The following ESCO1 variants were observed in gnomAD, a reference collection of about 807,000 sequenced individuals.
The protein encoded by ESCO1 is establishment of sister chromatid cohesion N-acetyltransferase 1.
In ESCO1, 33 loss-of-function variants were observed where a neutral mutation model predicts 83.5. That is an observed-to-expected ratio of 0.40 (90% CI 0.30 to 0.53). ESCO1 has a LOEUF of 0.53. Among genes scored for constraint, ESCO1 ranks in the 20% least tolerant of loss-of-function variants. The pLI, the probability that ESCO1 is intolerant of heterozygous loss-of-function variation, is 0.63. For missense variants in ESCO1, 855 were observed against 968.0 expected, an observed-to-expected ratio of 0.88 and a Z score of 1.55; for synonymous variants, 332 against 324.3, an observed-to-expected ratio of 1.02 and a Z score of -0.25.
chr18:21,564,206 A>T lies in ESCO1; in HGVS notation c.1818T>A (p.Ile606=), dbSNP rs201612317. The change falls in exon 7 of 12, where the codon ATT becomes ATA. Residue 606 remains isoleucine (I), a synonymous_variant. Coordinates refer to ENST00000269214, the MANE Select transcript of ESCO1 (RefSeq NM_052911.3). ...AATGGTCAAGTTGTGTACTTACTAT[A>T]ATCAACTGTTTTTCATCAGTTTTCT... ...EAEKTDEKQL[I]IDAGQKRFGA... 1.8e-4 allele frequency: 278 copies of T among 1,581,192 alleles called. No individual in the cohort carries two copies. Among genetic ancestry groups the T allele is most frequent in the Non-Finnish European group, 2.3e-4 (270 of 1,156,336 alleles).
intron 1 of ESCO1, among the ~76,000 whole-genome samples, chr18:21,598,727 G>C (rs1031853887): frequency 1.3e-5 from 2 of 151,750 alleles, no homozygotes; most frequent in Non-Finnish European, 2.9e-5. Flanking sequence ...ACAATTACTT[G>C]TTCACTACAG....
In ESCO1 at chr18:21,573,425, A is replaced by G; in HGVS notation, c.1419T>C (p.Asn473=). The G allele has an allele frequency of 1.9e-6, 3 of 1,611,964 alleles. No individual in the cohort carries two copies. Among genetic ancestry groups the G allele is most frequent in the South Asian group, 1.1e-5 (1 of 90,234 alleles). The part of the protein sequence containing the change: ...VKINDITVEI[N]KTTERAPENC... ...TTTCAGGAGCCCTTTCTGTGGTTTT[A>G]TTAATTTCTACTGTAATATCATTAA... Residue 473 remains asparagine, a synonymous_variant, in exon 4 of 12, where the codon AAT becomes AAC. Transcript: ENST00000269214.
At chr18:21,563,451 G>A (rs952864070) in intron 7 of ESCO1, among the ~76,000 whole-genome samples, 5 of 152,128 alleles carry the variant, frequency 3.3e-5, no homozygotes, top group Non-Finnish European at 4.4e-5. Flanking sequence ...AGGTTCATGC[G>A]ACTCTCCTGC....
intron 2 of ESCO1, among the ~76,000 whole-genome samples, chr18:21,577,556 A>G (rs1465140247): frequency 6.7e-6 from 1 of 149,866 alleles, no homozygotes; most frequent in Non-Finnish European, 1.5e-5. Flanking sequence ...GCTACTGGGG[A>G]GGCTGAGGCA....
rs776285789 is a variant in ESCO1, at chr18:21,566,168, T to G, written c.1684A>C (p.Thr562Pro). ...PQQHSILSNQ[T>P]SKSSDNRETP... ...TACCTGTTATCACTGCTTTTAGATGTCTGGTTACTGAGAATACTATGCTGT... is the reference window on the plus strand; with the variant it reads ...TACCTGTTATCACTGCTTTTAGATGGCTGGTTACTGAGAATACTATGCTGT... The change falls in exon 6 of 12, where the codon ACA (threonine) becomes CCA (proline). Residue 562 changes from threonine (T) to proline (P), a missense_variant. This residue lies in a region of ESCO1 where 726 missense variants were observed against 699.5 expected (regional missense o/e 1.04). Transcript: ENST00000269214. 3 of 1,613,406 alleles carry G rather than the reference T, an allele frequency of 1.9e-6. No individual in the cohort carries two copies. Among genetic ancestry groups the G allele is most frequent in the Non-Finnish European group, 2.5e-6 (3 of 1,179,662 alleles).
chr18:21,589,745 G>A (rs1233175778), intron 1 of ESCO1, among the ~76,000 whole-genome samples: 1 of 152,102 alleles, frequency 6.6e-6, no homozygotes, highest in Non-Finnish European at 1.5e-5. Flanking sequence ...AGCAAAGACG[G>A]CAAAGTCTAC....
intron 1 of ESCO1, chr18:21,596,895 T>C (rs1396120536): frequency 6.6e-6 from 1 of 152,202 alleles, no homozygotes; most frequent in Non-Finnish European, 1.5e-5. Flanking sequence ...ATTTCCATAT[T>C]ATCATTATCC....
At chr18:21,598,026 G>C (rs934674112) in intron 1 of ESCO1, among the ~76,000 whole-genome samples, 5 of 152,152 alleles carry the variant, frequency 3.3e-5, no homozygotes, top group African/African-American at 1.2e-4. Context: ...AAATATGAAA[G>C]TCAGGGTTAC....
At chr18:21,584,259 C>T (rs2038542684) in intron 2 of ESCO1, 51 bp downstream of exon 2, 1 of 152,018 alleles carries the variant, frequency 6.6e-6, no homozygotes, top group African/African-American at 2.4e-5. Flanking sequence ...ATTTGGTACA[C>T]TGATTAATCA....
chr18:21,534,234 T>C (rs2037803381), intron 10 of ESCO1, among the ~76,000 whole-genome samples: 1 of 152,230 alleles, frequency 6.6e-6, no homozygotes, highest in African/African-American at 2.4e-5. Context: ...ACACTAAGCA[T>C]GTGGGAGTTA....
At chr18:21,533,658 T>C (rs2037796191) in intron 10 of ESCO1, among the ~76,000 whole-genome samples, 1 of 152,156 alleles carries the variant, frequency 6.6e-6, no homozygotes, top group South Asian at 2.1e-4. Context: ...ATAGTTATCC[T>C]TCTAGTCTAA....
At chr18:21,535,864 C>T (rs2037830531) in intron 10 of ESCO1, among the ~76,000 whole-genome samples, 178 bp downstream of exon 10, 1 of 152,240 alleles carries the variant, frequency 6.6e-6, no homozygotes, top group South Asian at 2.1e-4. Flanking sequence ...ACTTGAGAAA[C>T]TAATTCCCAT....
chr18:21,595,750 T>A (rs1027542162), intron 1 of ESCO1, among the ~76,000 whole-genome samples: 3 of 146,680 alleles, frequency 2.0e-5, no homozygotes, highest in African/African-American at 5.1e-5. Context: ...GATCACGAGG[T>A]CAGGAGATCG....
chr18:21,564,143 T>C, intron 7 of ESCO1, 60 bp downstream of exon 7: 1 of 1,083,170 alleles, frequency 9.2e-7, no homozygotes, highest in Non-Finnish European at 1.4e-6. Flanking sequence ...TATAGCAACA[T>C]GAAATATACT....
At chr18:21,571,245 T>C (rs2038337716) in intron 4 of ESCO1, among the ~76,000 whole-genome samples, 2 of 152,180 alleles carry the variant, frequency 1.3e-5, no homozygotes, top group East Asian at 1.9e-4. Flanking sequence ...TGGAGTACAG[T>C]GGCGTGATCT....
chr18:21,583,346 G>GAA (rs371164834), intron 2 of ESCO1, among the ~76,000 whole-genome samples: 1 of 146,678 alleles, frequency 6.8e-6, no homozygotes, highest in African/African-American at 2.5e-5. Flanking sequence ...ATAAAAAAAA[G>GAA]AAAAAAAAAA....
chr18:21,536,132 T>A lies in ESCO1; in HGVS notation c.2097A>T (p.Pro699=). ...VDNDLGFQQA[P]LMCYSRTKTL... The stretch of plus-strand genomic sequence containing the variant: ...TTTTAGTTCTGGAATAGCACATTAG[T>A]GGAGCCTGTTGAAAACCTAAATCAT... Residue 699 remains proline (P), a synonymous_variant, in exon 10 of 12, where the codon CCA becomes CCT. Transcript: ENST00000269214. 11 of 1,614,140 alleles carry A rather than the reference T, an allele frequency of 6.8e-6. No homozygotes were observed. The highest frequency in any genetic ancestry group is 2.2e-5 in the South Asian group (2 of 91,066).
intron 10 of ESCO1, among the ~76,000 whole-genome samples, chr18:21,535,523 C>T (rs1159993647): frequency 6.6e-6 from 1 of 152,134 alleles, no homozygotes; most frequent in South Asian, 2.1e-4. Flanking sequence ...GCTGGGACTA[C>T]AGGCACGTGC....
chr18:21,587,059 A>G (rs2038592046), intron 1 of ESCO1, among the ~76,000 whole-genome samples: 1 of 152,108 alleles, frequency 6.6e-6, no homozygotes. Context: ...TTATATGCTG[A>G]ACCAACTGTG....
Sources: allele counts gnomAD v4.1 joint callset (sites outside exome capture counted in the v4.1 genomes callset), GRCh38; gene constraint gnomAD v4.1.1; regional missense constraint gnomAD v4.1.1; transcripts MANE v1.5; gene names NCBI Gene and HGNC (gene_info 2026-07-23, HGNC 2026-07-21).